Variants in ZGRF1 observed in about 807,000 individuals in gnomAD.
ZGRF1 encodes the protein 5'-3' DNA helicase ZGRF1.
Under a neutral mutation model 203.5 loss-of-function variants are expected in ZGRF1, and 196 were observed. The ratio of observed to expected loss-of-function variants is 0.96; its 90% CI spans 0.86 to 1.08. The LOEUF is 1.08. ZGRF1 is among the 50% of genes least tolerant of loss of function. The pLI, the probability that ZGRF1 is intolerant of heterozygous loss-of-function variation, is 0.00. For synonymous variants in ZGRF1, 809 were observed against 841.3 expected (o/e 0.96, Z 0.66); for missense variants, 2,326 against 2,416.3 (o/e 0.96, Z 0.78).
intron 3 of ZGRF1, among the ~76,000 whole-genome samples, chr4:112,625,585 CAAA>C (rs35757277): frequency 6.8e-5 from 7 of 102,382 alleles, no homozygotes; most frequent in Admixed American, 2.2e-4. Context: ...GATTCCGTCT[CAAA>C]AAAAAAAAAA....
chr4:112,636,163 T>C (rs2047622649), intron 1 of ZGRF1, among the ~76,000 whole-genome samples: 3 of 152,220 alleles, frequency 2.0e-5, no homozygotes, highest in Non-Finnish European at 4.4e-5. Context: ...ACAATTCACC[T>C]GTTGACCGAC....
Position 112,618,063 on chromosome 4 carries a change from T to C in ZGRF1, c.1979A>G (p.Glu660Gly), listed in dbSNP as rs2046943601. 6.2e-7 allele frequency: 1 copy of C among 1,613,804 alleles called. No individual in the cohort carries two copies. Among genetic ancestry groups the C allele is most frequent in the Non-Finnish European group, 8.5e-7 (1 of 1,179,896 alleles). ...WTDAVYGDNK[E>G]DANKPIQEVR... Reference sequence around the variant, plus strand: ...TTCTTGAATAGGTTTATTAGCATCTTCTTTATTATCTCCGTATACAGCATC... The same window carrying C: ...TTCTTGAATAGGTTTATTAGCATCTCCTTTATTATCTCCGTATACAGCATC... The change falls in exon 6 of 28, where the codon GAA (glutamate) becomes GGA (glycine). Residue 660 changes from glutamate (E) to glycine (G), a missense_variant. By Grantham distance (98) the Glu-to-Gly change is moderately conservative. Coordinates refer to ENST00000505019, the MANE Select transcript of ZGRF1 (RefSeq NM_018392.5).
At position 112,577,861 on chromosome 4, in the gene ZGRF1, G is replaced by C. The variant is rs1185396632; in HGVS notation, c.4438+3802C>G. Among the ~76,000 whole-genome samples, 4 of 121,526 alleles carry C rather than the reference G, an allele frequency of 3.3e-5. 2 individuals are homozygous for C. Among genetic ancestry groups the C allele is most frequent in the African/African-American group, 5.7e-5 (2 of 34,838 alleles). The allele number at this position is 121,526 out of a possible 152,430, so 79.7% of individuals were successfully genotyped here. ...CTTTAACACCCCACTGTCAACATTAGACAGATCAATGAGACAGAAAGTTAA... is the reference window on the plus strand; with the variant it reads ...CTTTAACACCCCACTGTCAACATTACACAGATCAATGAGACAGAAAGTTAA... On this transcript the variant is annotated intron_variant, in intron 16 of 27. Transcript: ENST00000505019.
Position 112,618,433 on chromosome 4 carries a change from A to G in ZGRF1, c.1609T>C (p.Phe537Leu). 1 of 1,613,792 alleles carries G rather than the reference A, an allele frequency of 6.2e-7. No individual in the cohort carries two copies. The highest frequency in any genetic ancestry group is 8.5e-7 in the Non-Finnish European group (1 of 1,179,906). The part of the protein sequence containing the change: ...FLEVTFNLNN[F>L]ETSDTEEESQ... The stretch of plus-strand genomic sequence containing the variant: ...TCCTCCTCAGTGTCACTGGTCTCAA[A>G]ATTGTTCAGATTAAAAGTTACCTCC... The change falls in exon 6 of 28, where the codon TTT (phenylalanine) becomes CTT (leucine). Residue 537 changes from phenylalanine to leucine, a missense_variant. Coordinates refer to ENST00000505019, the MANE Select transcript of ZGRF1 (RefSeq NM_018392.5).
At chr4:112,635,923 C>G (rs1019847256) in intron 1 of ZGRF1, among the ~76,000 whole-genome samples, 3 of 151,414 alleles carry the variant, frequency 2.0e-5, no homozygotes, top group Non-Finnish European at 4.4e-5. Flanking sequence ...ACTAAGAAGA[C>G]TGAAACTCTT....
intron 3 of ZGRF1, among the ~76,000 whole-genome samples, chr4:112,624,558 A>G (rs1245054456): frequency 6.6e-6 from 1 of 152,142 alleles, no homozygotes; most frequent in Non-Finnish European, 1.5e-5. Context: ...ATGGGATGGT[A>G]TACAGGATGA....
intron 24 of ZGRF1, 42 bp from the exon 25 acceptor site, chr4:112,541,310 G>A: frequency 1.7e-6 from 2 of 1,149,842 alleles, no homozygotes; most frequent in South Asian, 3.7e-5. Context: ...TAATTTTTTT[G>A]TTCTTCTAGG....
At chr4:112,612,459 A>T in intron 7 of ZGRF1, 65 bp downstream of exon 7, 1 of 1,056,586 alleles carries the variant, frequency 9.5e-7, no homozygotes. Flanking sequence ...CTATAATTCT[A>T]TTACAAATTA....
chr4:112,612,156 G>A (rs1054067660), intron 7 of ZGRF1, among the ~76,000 whole-genome samples: 1 of 152,046 alleles, frequency 6.6e-6, no homozygotes, highest in Admixed American at 6.6e-5. Flanking sequence ...AGTAGAGATG[G>A]GGTTTCACCA....
intron 20 of ZGRF1, 50 bp from the exon 21 acceptor site, chr4:112,554,832 TA>T (rs781194318): frequency 2.1e-6 from 2 of 969,192 alleles, no homozygotes; most frequent in South Asian, 3.1e-5. Context: ...AAACAGAATA[TA>T]AAGTTTCATA....
chr4:112,585,404 G>T, intron 14 of ZGRF1, 137 bp downstream of exon 14: 1 of 496,816 alleles, frequency 2.0e-6, no homozygotes, highest in Non-Finnish European at 3.3e-6. Flanking sequence ...AGAATTTAAT[G>T]TATGTTAGGT....
At chr4:112,544,422 A>T (rs1257969685) in intron 24 of ZGRF1, among the ~76,000 whole-genome samples, 1 of 152,240 alleles carries the variant, frequency 6.6e-6, no homozygotes, top group Non-Finnish European at 1.5e-5. Flanking sequence ...TAGAAAATGC[A>T]GCATAGTGAG....
rs2149152971 is a variant in ZGRF1 at position 112,617,489 on chromosome 4, G to C, written c.2553C>G (p.Val851=). Residue 851 remains valine (V), a synonymous_variant, in exon 6 of 28, where the codon GTC becomes GTG. Coordinates refer to ENST00000505019, the MANE Select transcript of ZGRF1 (RefSeq NM_018392.5). ...ACGTCTGTTGAGTTCCTTGCTGAAAGACAGTATTTTTCTTTTTCAATATTT... is the reference window on the plus strand; with the variant it reads ...ACGTCTGTTGAGTTCCTTGCTGAAACACAGTATTTTTCTTTTTCAATATTT... ...SLEILKKKNT[V]FQQGTQQTYE... is the part of the protein sequence containing the mutation. The C allele has an allele frequency of 6.3e-7, 1 of 1,594,876 alleles. No individual in the cohort carries two copies. The highest frequency in any genetic ancestry group is 8.5e-7 in the Non-Finnish European group (1 of 1,173,662).
chr4:112,541,590 A>C lies in ZGRF1; in HGVS notation c.5599-322T>G, dbSNP rs1430721613. Among the ~76,000 whole-genome samples, 3 of 149,412 alleles carry C rather than the reference A, an allele frequency of 2.0e-5. No individual in the cohort carries two copies. The East Asian group carries it at 5.9e-4, about 29-fold the overall frequency. On this transcript the variant is annotated intron_variant, in intron 24 of 27. Transcript: ENST00000505019. Reference sequence around the variant, plus strand: ...GTCGCCCAGGCTGGATTGCAATGGCATGATCTCGGCTCACTGCAACCTCCA... The same window carrying C: ...GTCGCCCAGGCTGGATTGCAATGGCCTGATCTCGGCTCACTGCAACCTCCA...
chr4:112,592,313 G>T (rs907192879), intron 10 of ZGRF1, among the ~76,000 whole-genome samples: 5 of 152,108 alleles, frequency 3.3e-5, no homozygotes, highest in Admixed American at 3.3e-4. Flanking sequence ...GGCCAGGCTG[G>T]TGTCAAACTT....
chr4:112,547,521 C>T, intron 23 of ZGRF1, 113 bp from the exon 24 acceptor site: 1 of 924,560 alleles, frequency 1.1e-6, no homozygotes, highest in Non-Finnish European at 1.6e-6. Flanking sequence ...CATGAAGTAT[C>T]CTGAGTACTA....
chr4:112,591,772 A>C (rs529398988), intron 10 of ZGRF1, among the ~76,000 whole-genome samples: 127 of 152,244 alleles, frequency 8.3e-4, no homozygotes, highest in African/African-American at 2.9e-3. Flanking sequence ...CTTATCAGAG[A>C]GGCTTACCTT....
chr4:112,630,872 G>A (rs576851124), intron 3 of ZGRF1, among the ~76,000 whole-genome samples: 2 of 151,138 alleles, frequency 1.3e-5, no homozygotes, highest in Admixed American at 1.3e-4. Flanking sequence ...GGGCAACAGA[G>A]TGAGATTCTG....
Position 112,560,888 on chromosome 4 carries a change from G to A in ZGRF1, c.4805C>T (p.Thr1602Ile). 6.2e-7 allele frequency: 1 copy of A among 1,613,696 alleles called. No homozygotes were observed. Among genetic ancestry groups the A allele is most frequent in the Non-Finnish European group, 8.5e-7 (1 of 1,179,736 alleles). ...TKFELLSLGA[T>I]LKLASELIQV... ...AATCAACTCACTAGCTAACTTCAAT[G>A]TTGCTCCTAGGCTGAGTAGTTCAAA... is the stretch of plus-strand genomic sequence containing the variant. Residue 1602 changes from threonine (T) to isoleucine (I), a missense_variant, in exon 19 of 28, where the codon ACA becomes ATA. Transcript: ENST00000505019.
Sources: allele counts gnomAD v4.1 joint callset (sites outside exome capture counted in the v4.1 genomes callset), GRCh38; gene constraint gnomAD v4.1.1; transcripts MANE v1.5; gene names NCBI Gene and HGNC (gene_info 2026-07-23, HGNC 2026-07-21).